The following SPECC1L variants were observed in gnomAD, a reference collection of about 807,000 sequenced individuals.
SPECC1L encodes the protein sperm antigen with calponin homology and coiled-coil domains 1 like.
In SPECC1L, 40 loss-of-function variants were observed where a neutral mutation model predicts 116.8. That is an observed-to-expected ratio of 0.34 (90% CI 0.27 to 0.45). The LOEUF is 0.45. Ranked by LOEUF, SPECC1L falls within the 20% of genes least tolerant of loss-of-function variation. The pLI is 1.00. For synonymous variants in SPECC1L, 504 were observed against 500.6 expected, an observed-to-expected ratio of 1.01 and a Z score of -0.09; for missense variants, 1,110 against 1,373.6, an observed-to-expected ratio of 0.81 and a Z score of 3.03.
At position 24,298,019 on chromosome 22, in the gene SPECC1L, G is replaced by A. The variant is rs561382138; in HGVS notation, c.-37-4176G>A. ...AATTTATCAACTTAACTTTATCATA[G>A]GTGGTATGTATACATGGTCCCCAAC... On this transcript the variant is annotated intron_variant, in intron 2 of 16. Transcript: ENST00000314328. 3.5e-3 allele frequency among the ~76,000 whole-genome samples: 529 copies of A among 151,812 alleles called. 1 individual carries two copies. The highest frequency in any genetic ancestry group is 3.7e-3 in the Non-Finnish European group (253 of 67,662).
chr22:24,317,432 CG>C lies in SPECC1L; in HGVS notation c.308-3850del, dbSNP rs1247019210. Among the ~76,000 whole-genome samples, 100 of 110,656 alleles carry C rather than the reference CG, an allele frequency of 9.0e-4. 13 individuals carry two copies. The East Asian group carries it at 0.015, about 16-fold the overall frequency. The allele number at this position is 110,656 out of a possible 152,430, so 72.6% of individuals were successfully genotyped here. On this transcript the variant is annotated intron_variant, in intron 4 of 16. Transcript: ENST00000314328. ...CCTCCCAGATGGGGCGCTGGCCGGGCGGGGGGCTGACCCCCCAACCTCCCGG... is the reference window on the plus strand; with the variant it reads ...CCTCCCAGATGGGGCGCTGGCCGGGCGGGGGCTGACCCCCCAACCTCCCGG...
intron 2 of SPECC1L, among the ~76,000 whole-genome samples, chr22:24,288,158 G>A (rs1372950513): frequency 2.0e-5 from 3 of 152,118 alleles, no homozygotes; most frequent in East Asian, 1.9e-4. Context: ...TTTACGGAAC[G>A]ATTTACAGAA....
At chr22:24,360,712 T>C (rs549556546) in intron 11 of SPECC1L, among the ~76,000 whole-genome samples, 15 of 152,382 alleles carry the variant, frequency 9.8e-5, no homozygotes, top group Admixed American at 9.8e-4. Flanking sequence ...TCGTTTTCAC[T>C]TTCTTAGCTT....
chr22:24,340,988 C>T (rs1202912896), intron 10 of SPECC1L, among the ~76,000 whole-genome samples: 1 of 152,050 alleles, frequency 6.6e-6, no homozygotes, highest in Non-Finnish European at 1.5e-5. Flanking sequence ...TAACTGTGAT[C>T]CCTGAACAAA....
chr22:24,411,121 A>C (rs990428936), intron 14 of SPECC1L, among the ~76,000 whole-genome samples: 3 of 152,092 alleles, frequency 2.0e-5, no homozygotes, highest in Admixed American at 6.6e-5. Context: ...CCCGGGAGGT[A>C]GAGGTTGTAG....
At chr22:24,330,205 TAAATC>T (rs751645090) in intron 7 of SPECC1L, 46 bp from the exon 8 acceptor site, 1 of 1,586,790 alleles carries the variant, frequency 6.3e-7, no homozygotes, top group South Asian at 1.1e-5. Context: ...TGCTTTTAAA[TAAATC>T]TTGATTGCTC....
rs1326412485 is a variant in SPECC1L at position 24,322,894 on chromosome 22, T to G, written c.1914T>G (p.Asn638Lys). ...TGGCTCATACCCGAAATGATGCCAA[T>G]CGATTACAGGATGCCATTGCTAAGG... is the stretch of plus-strand genomic sequence containing the variant. ...EDLAHTRNDANRLQDAIAKVE... is the reference protein window; with the variant it reads ...EDLAHTRNDAKRLQDAIAKVE... Residue 638 changes from asparagine to lysine, a missense_variant, in exon 5 of 17, where the codon AAT (asparagine) becomes AAG (lysine). Physicochemically the swap from Asn to Lys is moderately conservative, Grantham distance 94. Transcript: ENST00000314328. The G allele has an allele frequency of 6.2e-7, 1 of 1,613,752 alleles. No individual in the cohort carries two copies. Among genetic ancestry groups the G allele is most frequent in the Non-Finnish European group, 8.5e-7 (1 of 1,179,842 alleles).
intron 2 of SPECC1L, among the ~76,000 whole-genome samples, chr22:24,277,461 G>A (rs2048858915): frequency 6.6e-6 from 1 of 152,090 alleles, no homozygotes; most frequent in African/African-American, 2.4e-5. Context: ...GTTATGCATT[G>A]ATCACCACCA....
Position 24,270,835 on chromosome 22 carries a change from G to T in SPECC1L, c.-290G>T, listed in dbSNP as rs1158928776. The T allele has an allele frequency of 6.6e-6, 1 of 152,388 alleles. No individual in the cohort carries two copies. Among genetic ancestry groups the T allele is most frequent in the Non-Finnish European group, 1.5e-5 (1 of 68,212 alleles). The allele number at this position is 152,388 out of a possible 1,614,324, so 9.4% of individuals were successfully genotyped here. A position where few individuals can be genotyped will look rare whatever the true frequency, so the allele number is the denominator to read the frequency against. ...AAGGGGCTGGCCAAGGGCGGGGCCC[G>T]CGAGGGAGGCCGGGCGGCCCGGCAA... is the stretch of plus-strand genomic sequence containing the variant. On this transcript the variant is annotated 5_prime_UTR_variant, in exon 1 of 17. Coordinates refer to ENST00000314328, the MANE Select transcript of SPECC1L (RefSeq NM_015330.6).
At chr22:24,363,014 G>T (rs149000894) in intron 11 of SPECC1L, among the ~76,000 whole-genome samples, 16 of 152,336 alleles carry the variant, frequency 1.1e-4, no homozygotes, top group Non-Finnish European at 1.9e-4. Context: ...CCAGGATTCA[G>T]AAGTATTCGT....
intron 10 of SPECC1L, among the ~76,000 whole-genome samples, chr22:24,341,321 TTTTCCAGGAACAA>T (rs1211631712): frequency 1.3e-5 from 2 of 152,138 alleles, no homozygotes; most frequent in African/African-American, 4.8e-5. Flanking sequence ...GCAAGAATAA[TTTTCCAGGAACAA>T]TTTCCAGGAA....
At chr22:24,300,266 GA>G (rs2146398136) in intron 2 of SPECC1L, among the ~76,000 whole-genome samples, 1 of 152,284 alleles carries the variant, frequency 6.6e-6, no homozygotes, top group East Asian at 1.9e-4. Context: ...TGCTGAGGAT[GA>G]TGGCTTCCAG....
intron 2 of SPECC1L, among the ~76,000 whole-genome samples, chr22:24,287,636 C>T (rs534984386): frequency 6.6e-6 from 1 of 152,242 alleles, no homozygotes; most frequent in East Asian, 1.9e-4. Flanking sequence ...AGAAAGAAAC[C>T]CCTGGGAGCT....
chr22:24,402,240 C>T (rs941276492), intron 14 of SPECC1L, among the ~76,000 whole-genome samples: 6 of 151,678 alleles, frequency 4.0e-5, no homozygotes, highest in African/African-American at 9.7e-5. Flanking sequence ...CAGGGCAGCA[C>T]CCTTAGATCA....
At chr22:24,412,820 A>C in intron 16 of SPECC1L, 113 bp downstream of exon 16, 1 of 1,176,864 alleles carries the variant, frequency 8.5e-7, no homozygotes, top group African/African-American at 1.5e-5. Context: ...TGCCTGGTAA[A>C]AGGCAGCTAT....
At chr22:24,319,980 GGTGGCTCACGCCTGTAAATTCA>G (rs1398780665) in intron 4 of SPECC1L, among the ~76,000 whole-genome samples, 1 of 152,108 alleles carries the variant, frequency 6.6e-6, no homozygotes, top group Non-Finnish European at 1.5e-5. Flanking sequence ...CTGTAAGTGC[GGTGGCTCACGCCTGTAAATTCA>G]GTGGCTCACG....
chr22:24,314,405 C>T (rs1569416475), intron 4 of SPECC1L, among the ~76,000 whole-genome samples: 1 of 152,228 alleles, frequency 6.6e-6, no homozygotes, highest in Non-Finnish European at 1.5e-5. Context: ...CTTGAAATAA[C>T]TGATAATCAT....
intron 14 of SPECC1L, among the ~76,000 whole-genome samples, chr22:24,393,238 G>C (rs1203037454): frequency 6.6e-6 from 1 of 152,198 alleles, no homozygotes; most frequent in South Asian, 2.1e-4. Context: ...TAAGTAATTA[G>C]AGAAGCTAAT....
chr22:24,321,320 A>G lies in SPECC1L; in HGVS notation c.340A>G (p.Thr114Ala), dbSNP rs774974834. The G allele has an allele frequency of 9.9e-6, 16 of 1,614,204 alleles. No homozygotes were observed. The highest frequency in any genetic ancestry group is 6.7e-5 in the East Asian group (3 of 44,890). ...TASSTKRSTS[T>A]GNKESSSTRE... ...TTCTTCAACCAAGCGGAGCACTTCT[A>G]CAGGTAATAAAGAATCCAGTTCTAC... Residue 114 changes from threonine (T) to alanine (A), a missense_variant, in exon 5 of 17, where the codon ACA becomes GCA. This residue lies in a region of SPECC1L where 437 missense variants were observed against 482.6 expected (regional missense o/e 0.91). Coordinates refer to ENST00000314328, the MANE Select transcript of SPECC1L (RefSeq NM_015330.6).
Sources: allele counts gnomAD v4.1 joint callset (sites outside exome capture counted in the v4.1 genomes callset), GRCh38; gene constraint gnomAD v4.1.1; regional missense constraint gnomAD v4.1.1; transcripts MANE v1.5; gene names NCBI Gene and HGNC (gene_info 2026-07-23, HGNC 2026-07-21).